The following DSCAM variants were observed in gnomAD, a reference collection of about 807,000 sequenced individuals.
DSCAM encodes the protein cell adhesion molecule DSCAM.
In DSCAM, 47 loss-of-function variants were observed where a neutral mutation model predicts 217.7. The observed-to-expected ratio is 0.22, with a 90% CI of 0.17 to 0.28. The LOEUF (loss-of-function observed/expected upper bound fraction) is 0.28, where lower values mean the gene tolerates loss of function less well. Ranked by LOEUF, DSCAM falls within the 10% of genes least tolerant of loss-of-function variation. The probability of loss-of-function intolerance (pLI) is 1.00; values close to 1 mark genes in which losing one functional copy is unlikely to be tolerated. For synonymous variants in DSCAM, 1,056 were observed against 1,015.3 expected (o/e 1.04, Z -0.76); for missense variants, 2,080 against 2,618.3 (o/e 0.79, Z 4.49).
At chr21:40,543,141 ATT>A (rs2076554880) in intron 3 of DSCAM, among the ~76,000 whole-genome samples, 1 of 152,266 alleles carries the variant, frequency 6.6e-6, no homozygotes, top group African/African-American at 2.4e-5. Context: ...TATTTAAAAT[ATT>A]TGATAGGCTG....
At chr21:40,834,909 C>T (rs2092044779) in intron 1 of DSCAM, among the ~76,000 whole-genome samples, 1 of 152,118 alleles carries the variant, frequency 6.6e-6, no homozygotes, top group African/African-American at 2.4e-5. Flanking sequence ...GGTGAAATGC[C>T]GACTGCTCCT....
chr21:40,839,350 G>T (rs2092081706), intron 1 of DSCAM, among the ~76,000 whole-genome samples: 1 of 152,188 alleles, frequency 6.6e-6, no homozygotes, highest in Admixed American at 6.5e-5. Flanking sequence ...TTATTACTGA[G>T]ATGTATGCAG....
At chr21:40,688,756 A>AG (rs1469862165) in intron 3 of DSCAM, among the ~76,000 whole-genome samples, 1 of 152,210 alleles carries the variant, frequency 6.6e-6, no homozygotes, top group Non-Finnish European at 1.5e-5. Flanking sequence ...CCCAGGGCCC[A>AG]GGGAAGAGCT....
intron 1 of DSCAM, among the ~76,000 whole-genome samples, chr21:40,752,780 G>A (rs544290951): frequency 2.6e-5 from 4 of 152,254 alleles, no homozygotes; most frequent in South Asian, 2.1e-4. Flanking sequence ...TTTAAAAAGC[G>A]GGGAGTAAAG....
At chr21:40,543,158 G>T (rs1368894480) in intron 3 of DSCAM, among the ~76,000 whole-genome samples, 2 of 152,172 alleles carry the variant, frequency 1.3e-5, no homozygotes, top group Admixed American at 6.5e-5. Flanking sequence ...AGGCTGGAAA[G>T]GTCAGACAAG....
chr21:40,839,755 C>T (rs6517625), intron 1 of DSCAM, among the ~76,000 whole-genome samples: 51,473 of 151,856 alleles, frequency 0.34, 9,055 homozygotes, highest in African/African-American at 0.44. Context: ...ACTGTCTTTG[C>T]GGCTGCACTT....
chr21:40,199,948 A>G (rs891606838), intron 11 of DSCAM, among the ~76,000 whole-genome samples: 1 of 152,000 alleles, frequency 6.6e-6, no homozygotes, highest in African/African-American at 2.4e-5. Context: ...AATTAAAAAA[A>G]CAAAAAACAA....
intron 3 of DSCAM, among the ~76,000 whole-genome samples, chr21:40,655,649 T>C (rs1461247679): frequency 1.3e-5 from 2 of 152,082 alleles, no homozygotes; most frequent in Non-Finnish European, 2.9e-5. Context: ...GACAGGATTT[T>C]GCCATGTTGC....
intron 8 of DSCAM, among the ~76,000 whole-genome samples, chr21:40,312,755 G>C (rs1440204060): frequency 6.6e-6 from 1 of 152,128 alleles, no homozygotes; most frequent in Non-Finnish European, 1.5e-5. Context: ...TACAATTACT[G>C]TTCCCCTTCT....
intron 3 of DSCAM, among the ~76,000 whole-genome samples, chr21:40,526,883 C>G (rs1307853592): frequency 6.6e-6 from 1 of 151,972 alleles, no homozygotes; most frequent in Non-Finnish European, 1.5e-5. Context: ...AATATGCTGG[C>G]AGGGGAGCTA....
chr21:40,094,590 G>A (rs985847380), intron 20 of DSCAM, among the ~76,000 whole-genome samples: 1 of 152,176 alleles, frequency 6.6e-6, no homozygotes, highest in Non-Finnish European at 1.5e-5. Flanking sequence ...TGGAGGTCAC[G>A]GTGCCTAATG....
chr21:40,583,678 T>A (rs1221635373), intron 3 of DSCAM, among the ~76,000 whole-genome samples: 1 of 152,118 alleles, frequency 6.6e-6, no homozygotes, highest in Non-Finnish European at 1.5e-5. Flanking sequence ...TTTCAAATAT[T>A]CAAGGAAACT....
chr21:40,733,012 T>G (rs1464442295), intron 1 of DSCAM, among the ~76,000 whole-genome samples: 2 of 152,232 alleles, frequency 1.3e-5, no homozygotes, highest in Non-Finnish European at 2.9e-5. Context: ...TCATCTATTT[T>G]TTTCTTCCTG....
chr21:40,808,743 G>A (rs760109313), intron 1 of DSCAM, among the ~76,000 whole-genome samples: 2 of 152,084 alleles, frequency 1.3e-5, no homozygotes, highest in Non-Finnish European at 2.9e-5. Flanking sequence ...CTAAAGTGCT[G>A]TGATTACAGG....
intron 14 of DSCAM, among the ~76,000 whole-genome samples, chr21:40,186,047 G>T (rs969517227): frequency 1.3e-5 from 2 of 152,208 alleles, no homozygotes; most frequent in Admixed American, 1.3e-4. Flanking sequence ...CAACCCAGCA[G>T]TCACAGATAC....
intron 3 of DSCAM, among the ~76,000 whole-genome samples, chr21:40,375,438 T>C (rs559702627): frequency 1.2e-4 from 19 of 152,360 alleles, no homozygotes; most frequent in Admixed American, 5.2e-4. Context: ...ACCCAGGCCA[T>C]GCTGTACTTC....
intron 1 of DSCAM, among the ~76,000 whole-genome samples, chr21:40,742,732 T>A (rs2091136188): frequency 6.6e-6 from 1 of 152,210 alleles, no homozygotes; most frequent in African/African-American, 2.4e-5. Context: ...TTACTTTGAA[T>A]GGATTACGTC....
At chr21:40,488,303 G>C (rs1240165562) in intron 3 of DSCAM, among the ~76,000 whole-genome samples, 1 of 152,204 alleles carries the variant, frequency 6.6e-6, no homozygotes, top group Non-Finnish European at 1.5e-5. Flanking sequence ...CTAAAGTGAT[G>C]CCAGAGAGCT....
intron 29 of DSCAM, among the ~76,000 whole-genome samples, chr21:40,054,529 G>A (rs953004105): frequency 6.6e-6 from 1 of 152,222 alleles, no homozygotes; most frequent in African/African-American, 2.4e-5. Flanking sequence ...AGGCAGCTGG[G>A]CTATGTGCTG....
Sources: gnomAD v4.1 joint callset for allele counts (sites outside exome capture counted in the v4.1 genomes callset) on GRCh38, gnomAD v4.1.1 for gene constraint, MANE v1.5 for transcripts, NCBI Gene and HGNC (gene_info 2026-07-23, HGNC 2026-07-21) for gene names.